Variants in ELMO1 observed in about 807,000 individuals in gnomAD.
ELMO1 encodes engulfment and cell motility 1.
Under a neutral mutation model 98.9 loss-of-function variants are expected in ELMO1, and 26 were observed. That is an observed-to-expected ratio of 0.26 (90% CI 0.19 to 0.36). The LOEUF (loss-of-function observed/expected upper bound fraction) is 0.36. Among genes scored for constraint, ELMO1 ranks in the 10% least tolerant of loss-of-function variants. The pLI, the probability that ELMO1 is intolerant of heterozygous loss-of-function variation, is 1.00. For synonymous variants in ELMO1, 346 were observed against 346.0 expected (o/e 1.00, Z 0.00); for missense variants, 627 against 935.2 (o/e 0.67, Z 4.30).
intron 1 of ELMO1, among the ~76,000 whole-genome samples, chr7:37,411,573 T>C (rs778538342): frequency 2.4e-4 from 36 of 152,162 alleles, no homozygotes; most frequent in Admixed American, 5.9e-4. Flanking sequence ...GGGTCCCTTT[T>C]CATACAGTCT....
intron 16 of ELMO1, among the ~76,000 whole-genome samples, chr7:36,964,532 A>G (rs1367213763): frequency 6.6e-6 from 1 of 152,226 alleles, no homozygotes; most frequent in African/African-American, 2.4e-5. Flanking sequence ...AACCATTGTA[A>G]TTTGGAAACT....
intron 16 of ELMO1, among the ~76,000 whole-genome samples, chr7:36,962,978 C>T (rs1057340916): frequency 6.6e-6 from 1 of 152,164 alleles, no homozygotes; most frequent in Admixed American, 6.5e-5. Context: ...AGAATGTTCA[C>T]GCAGTATTAT....
At chr7:37,110,301 T>G (rs761652867) in intron 14 of ELMO1, among the ~76,000 whole-genome samples, 1 of 152,178 alleles carries the variant, frequency 6.6e-6, no homozygotes, top group Non-Finnish European at 1.5e-5. Flanking sequence ...TGTATTTGTA[T>G]CTGCACAGGT....
At chr7:36,963,408 T>A (rs975483490) in intron 16 of ELMO1, among the ~76,000 whole-genome samples, 21 of 150,712 alleles carry the variant, frequency 1.4e-4, no homozygotes, top group Admixed American at 6.6e-4. Flanking sequence ...AATAAAAAAA[T>A]AAATAAATAA....
chr7:37,321,736 A>AAAAAAAAAAC (rs1192639432), intron 2 of ELMO1, among the ~76,000 whole-genome samples: 48 of 148,200 alleles, frequency 3.2e-4, no homozygotes, highest in Non-Finnish European at 4.6e-4. Flanking sequence ...AAAAAAAAAA[A>AAAAAAAAAAC]AACACAGAAA....
chr7:36,905,386 G>C (rs529081027), intron 16 of ELMO1, among the ~76,000 whole-genome samples: 257 of 152,224 alleles, frequency 1.7e-3, no homozygotes, highest in African/African-American at 6.0e-3. Context: ...TCCTTGGTGG[G>C]GAGGGGATGG....
chr7:36,857,208 T>C (rs1802264018), intron 21 of ELMO1, among the ~76,000 whole-genome samples: 2 of 152,182 alleles, frequency 1.3e-5, no homozygotes, highest in South Asian at 4.1e-4. Flanking sequence ...GAAACATCAA[T>C]TTAGTGTTAA....
intron 1 of ELMO1, among the ~76,000 whole-genome samples, chr7:37,440,487 G>C (rs1033167881): frequency 7.4e-5 from 11 of 149,492 alleles, no homozygotes; most frequent in Non-Finnish European, 1.6e-4. Flanking sequence ...AAAAAACAAA[G>C]AGGCTGGGTG....
chr7:37,376,651 A>G (rs2701014), intron 1 of ELMO1, among the ~76,000 whole-genome samples: 42,405 of 151,952 alleles, frequency 0.28, 6,760 homozygotes, highest in Admixed American at 0.35. Flanking sequence ...ATCTACAACC[A>G]ATCAGCAGCA....
chr7:37,125,625 A>T (rs541567955), intron 14 of ELMO1, among the ~76,000 whole-genome samples: 1 of 152,342 alleles, frequency 6.6e-6, no homozygotes, highest in African/African-American at 2.4e-5. Flanking sequence ...TAGAATGGCA[A>T]TCATTAAAAA....
intron 18 of ELMO1, among the ~76,000 whole-genome samples, chr7:36,879,600 C>T (rs1804257400): frequency 6.6e-6 from 1 of 152,110 alleles, no homozygotes; most frequent in Non-Finnish European, 1.5e-5. Context: ...AAAGAAAATG[C>T]CCAAATTTGA....
chr7:37,316,592 C>T (rs1379269483), intron 2 of ELMO1, among the ~76,000 whole-genome samples: 1 of 152,174 alleles, frequency 6.6e-6, no homozygotes, highest in African/African-American at 2.4e-5. Flanking sequence ...GCCTAACAGC[C>T]ACACTTGTGC....
intron 16 of ELMO1, among the ~76,000 whole-genome samples, chr7:36,934,243 C>T (rs1786305994): frequency 6.6e-6 from 1 of 152,178 alleles, no homozygotes; most frequent in Non-Finnish European, 1.5e-5. Context: ...CAGCCCTTCC[C>T]ACAACCAAGA....
intron 13 of ELMO1, among the ~76,000 whole-genome samples, chr7:37,156,070 G>A (rs549772763): frequency 9.9e-4 from 150 of 152,272 alleles, no homozygotes; most frequent in African/African-American, 3.4e-3. Context: ...GCTCCTGAAT[G>A]ACTACTAGGT....
In ELMO1 at chr7:36,884,266, G is replaced by A. The variant is rs1232106431; in HGVS notation, c.1714+3294C>T. On this transcript the variant is annotated intron_variant, in intron 18 of 21. Transcript: ENST00000310758. ...CAGGAGGCAGAGGTTGCACTGAGCCGAGATCATGCCATTGCACTCCAGCCT... is the reference window on the plus strand; with the variant it reads ...CAGGAGGCAGAGGTTGCACTGAGCCAAGATCATGCCATTGCACTCCAGCCT... Among the ~76,000 whole-genome samples the A allele has an allele frequency of 4.0e-5, 6 of 150,598 alleles. No homozygotes were observed. In the East Asian group the frequency reaches 9.8e-4, roughly 25 times the overall value.
chr7:36,866,064 T>C (rs575242482), intron 20 of ELMO1, among the ~76,000 whole-genome samples: 1 of 152,330 alleles, frequency 6.6e-6, no homozygotes, highest in Non-Finnish European at 1.5e-5. Context: ...ACACCAAATA[T>C]ACTCCTATCT....
chr7:37,191,916 C>T (rs1019089569), intron 13 of ELMO1, among the ~76,000 whole-genome samples: 1 of 151,922 alleles, frequency 6.6e-6, no homozygotes, highest in African/African-American at 2.4e-5. Context: ...GACTCCATCA[C>T]ACACACACAC....
intron 20 of ELMO1, among the ~76,000 whole-genome samples, chr7:36,867,021 A>T (rs1364798481): frequency 1.3e-5 from 2 of 152,164 alleles, no homozygotes; most frequent in East Asian, 3.9e-4. Context: ...TTCCATGTAT[A>T]TGCTAATTAA....
intron 5 of ELMO1, among the ~76,000 whole-genome samples, chr7:37,263,111 T>G (rs1285497713): frequency 6.6e-6 from 1 of 152,164 alleles, no homozygotes; most frequent in Non-Finnish European, 1.5e-5. Flanking sequence ...TCTTTTTATC[T>G]TCTCTAATTT....
Sources: gnomAD v4.1 joint callset for allele counts (sites outside exome capture counted in the v4.1 genomes callset) on GRCh38, gnomAD v4.1.1 for gene constraint, MANE v1.5 for transcripts, NCBI Gene and HGNC (gene_info 2026-07-23, HGNC 2026-07-21) for gene names.